Variants in DIPK1C observed in about 807,000 individuals in gnomAD.
DIPK1C encodes the protein familial non-conventional Alzheimer's dementia.
A neutral mutation model predicts 28.0 loss-of-function variants in DIPK1C; 33 were observed. That is an observed-to-expected ratio of 1.18 (90% CI 0.89 to 1.58). The LOEUF is 1.58. DIPK1C is among the 40% of genes most tolerant of loss of function. The probability of loss-of-function intolerance (pLI) is 0.00; values close to 1 mark genes in which losing one functional copy is unlikely to be tolerated. For synonymous variants in DIPK1C, 255 were observed against 248.8 expected (o/e 1.02, Z -0.23); for missense variants, 569 against 568.5 (o/e 1.00, Z -0.01).
chr18:74,453,295 G>A (rs1280480341), intron 1 of DIPK1C, among the ~76,000 whole-genome samples: 2 of 152,234 alleles, frequency 1.3e-5, no homozygotes, highest in African/African-American at 2.4e-5. Flanking sequence ...AAGCTCCTAG[G>A]CAGTTAGCAA....
intron 1 of DIPK1C, 118 bp downstream of exon 1, chr18:74,456,944 C>T (rs538408769): frequency 1.8e-6 from 2 of 1,102,488 alleles, no homozygotes; most frequent in Admixed American, 4.4e-5. Flanking sequence ...TGTCGGGAAC[C>T]CATGTCCCCG....
Position 74,446,974 on chromosome 18 carries a change from G to C in DIPK1C, c.508C>G (p.Pro170Ala). The C allele has an allele frequency of 6.6e-7, 1 of 1,516,756 alleles. No individual in the cohort carries two copies. Among genetic ancestry groups the C allele is most frequent in the South Asian group, 1.3e-5 (1 of 79,340 alleles). 94.0% of individuals were successfully genotyped at this position (1,516,756 alleles called of 1,614,324 possible). A position where few individuals can be genotyped will look rare whatever the true frequency, so the allele number is the denominator to read the frequency against. The change falls in exon 2 of 4, where the codon CCG becomes GCG. Residue 170 changes from proline to alanine, a missense_variant. Physicochemically the swap from Pro to Ala is conservative, Grantham distance 27. Coordinates refer to ENST00000343998, the MANE Select transcript of DIPK1C (RefSeq NM_001044369.3). ...GLELSNSSLGPWWPGRRGPRW... is the reference protein window; with the variant it reads ...GLELSNSSLGAWWPGRRGPRW... Reference sequence around the variant, plus strand: ...GGGCCCCGCCTGCCCGGCCACCACGGCCCCAGGCTGCTGTTGGACAACTCC... The same window carrying C: ...GGGCCCCGCCTGCCCGGCCACCACGCCCCCAGGCTGCTGTTGGACAACTCC...
chr18:74,453,335 C>T (rs895450442), intron 1 of DIPK1C, among the ~76,000 whole-genome samples: 6 of 152,204 alleles, frequency 3.9e-5, no homozygotes, highest in South Asian at 4.1e-4. Flanking sequence ...TATTCCTTCC[C>T]GAAGTAGCTA....
In DIPK1C at chr18:74,447,031, C is replaced by T; in HGVS notation, c.451G>A (p.Val151Met). 9 of 1,547,860 alleles carry T rather than the reference C, an allele frequency of 5.8e-6. No individual in the cohort carries two copies. Among genetic ancestry groups the T allele is most frequent in the Non-Finnish European group, 7.9e-6 (9 of 1,145,214 alleles). Residue 151 changes from valine to methionine, a missense_variant, in exon 2 of 4, where the codon GTG (valine) becomes ATG (methionine). By Grantham distance (21) the Val-to-Met change is conservative. Coordinates refer to ENST00000343998, the MANE Select transcript of DIPK1C (RefSeq NM_001044369.3). The surrounding 1 kb of genome is among the most constrained non-coding windows in gnomAD (Gnocchi z 4.1). ...DMPEAELLLM[V>M]AGEVKSALGL... Reference sequence around the variant, plus strand: ...AGAGCGCTCTTGACCTCCCCAGCCACCATCAGGAGGAGTTCGGCCTCGGGC... The same window carrying T: ...AGAGCGCTCTTGACCTCCCCAGCCATCATCAGGAGGAGTTCGGCCTCGGGC...
chr18:74,460,151 T>G (rs1037108294), upstream of DIPK1C, among the ~76,000 whole-genome samples: 11 of 152,132 alleles, frequency 7.2e-5, no homozygotes, highest in Non-Finnish European at 1.5e-4. Context: ...GGGGGAGGAA[T>G]GGAGAGGGAC....
At position 74,442,104 on chromosome 18, in the gene DIPK1C, C is replaced by A. The variant is rs775471534; in HGVS notation, c.889G>T (p.Asp297Tyr). ...IRSDFTVVAI[D>Y]VDMAFFEPKM... is the part of the protein sequence containing the mutation. ...GGTTCAAAAAAGGCCATGTCCACAT[C>A]AATAGCCACCACCTGTAATCAAAAC... The change falls in exon 3 of 4, where the codon GAT becomes TAT. Residue 297 changes from aspartate to tyrosine, a missense_variant. Asp to Tyr is a radical substitution (Grantham distance 160). Coordinates refer to ENST00000343998, the MANE Select transcript of DIPK1C (RefSeq NM_001044369.3). 5.0e-6 allele frequency: 8 copies of A among 1,613,994 alleles called. No homozygotes were observed. In the South Asian group the frequency reaches 8.8e-5, roughly 18 times the overall value.
In DIPK1C at chr18:74,447,770, T is replaced by C. The variant is rs565898938; in HGVS notation, c.199-487A>G. Among the ~76,000 whole-genome samples the C allele has an allele frequency of 1.4e-4, 22 of 152,306 alleles. No individual in the cohort carries two copies. The South Asian group carries it at 4.3e-3, about 30-fold the overall frequency. Reference sequence around the variant, plus strand: ...CCAGGCTTGACCGCAGTAATGACCCTTCCTGCAAGTACATTCCTTGAGCTT... The same window carrying C: ...CCAGGCTTGACCGCAGTAATGACCCCTCCTGCAAGTACATTCCTTGAGCTT... On this transcript the variant is annotated intron_variant, in intron 1 of 3. Transcript: ENST00000343998. The surrounding 1 kb of genome is among the most constrained non-coding windows in gnomAD (Gnocchi z 4.1).
At chr18:74,441,582 G>A (rs1986124850) in intron 3 of DIPK1C, among the ~76,000 whole-genome samples, 1 of 152,168 alleles carries the variant, frequency 6.6e-6, no homozygotes, top group Non-Finnish European at 1.5e-5. Context: ...AGTGTCTCAG[G>A]ACTGCTTTGC....
At chr18:74,442,930 G>A (rs1472497843) in intron 2 of DIPK1C, among the ~76,000 whole-genome samples, 1 of 152,226 alleles carries the variant, frequency 6.6e-6, no homozygotes, top group Non-Finnish European at 1.5e-5. Context: ...ACATTCGAGT[G>A]GCTGGTCTCC....
intron 1 of DIPK1C, among the ~76,000 whole-genome samples, chr18:74,448,813 T>C (rs747731222): frequency 2.9e-4 from 44 of 152,132 alleles, no homozygotes; most frequent in Non-Finnish European, 6.2e-4. Flanking sequence ...GATGTATAAA[T>C]AATTCCAAAA....
intron 1 of DIPK1C, among the ~76,000 whole-genome samples, chr18:74,450,558 G>A (rs1049735161): frequency 6.6e-6 from 1 of 152,206 alleles, no homozygotes; most frequent in Non-Finnish European, 1.5e-5. Flanking sequence ...GTGAAAAGCA[G>A]AGTGAGGAGG....
chr18:74,442,522 G>T (rs1468433468), intron 2 of DIPK1C, among the ~76,000 whole-genome samples: 1 of 152,024 alleles, frequency 6.6e-6, no homozygotes, highest in Non-Finnish European at 1.5e-5. Flanking sequence ...GTAGAGACGG[G>T]GTTTCACCGT....
chr18:74,458,610 G>A (rs1986569244), upstream of DIPK1C, among the ~76,000 whole-genome samples: 1 of 152,074 alleles, frequency 6.6e-6, no homozygotes, highest in South Asian at 2.1e-4. Flanking sequence ...CTTGGGGTTT[G>A]GGTGTCACTC....
Position 74,441,936 on chromosome 18 carries a change from T to C in DIPK1C, c.1041+16A>G. On this transcript the variant is annotated intron_variant, in intron 3 of 3. Coordinates refer to ENST00000343998, the MANE Select transcript of DIPK1C (RefSeq NM_001044369.3). ...AGAGCACCCTCTCCTCCCCCAGCCCTGGCGGACTCTCATACCTGCAGGTTG... is the reference window on the plus strand; with the variant it reads ...AGAGCACCCTCTCCTCCCCCAGCCCCGGCGGACTCTCATACCTGCAGGTTG... 6.2e-7 allele frequency: 1 copy of C among 1,609,636 alleles called. No individual in the cohort carries two copies. Among genetic ancestry groups the C allele is most frequent in the Non-Finnish European group, 8.5e-7 (1 of 1,177,148 alleles).
intron 2 of DIPK1C, among the ~76,000 whole-genome samples, chr18:74,445,301 C>G (rs1986234864): frequency 6.6e-6 from 1 of 152,192 alleles, no homozygotes. Flanking sequence ...TGAGTTCCCC[C>G]AGAGCTGCCA....
Position 74,436,337 on chromosome 18 carries a change from G to T in DIPK1C, c.*164C>A, listed in dbSNP as rs547868806. On this transcript the variant is annotated 3_prime_UTR_variant, in exon 4 of 4. Coordinates refer to ENST00000343998, the MANE Select transcript of DIPK1C (RefSeq NM_001044369.3). ...TCAGAGGCCAGGGTGGGACGAGAGC[G>T]AGGGAGCACTGTCTCTGGCAGCAGC... 6.9e-5 allele frequency: 47 copies of T among 681,516 alleles called. No homozygotes were observed. The highest frequency in any genetic ancestry group is 6.9e-4 in the African/African-American group (38 of 55,136). 42.2% of individuals were successfully genotyped at this position (681,516 alleles called of 1,614,324 possible). A position where few individuals can be genotyped will look rare whatever the true frequency, so the allele number is the denominator to read the frequency against.
At chr18:74,440,022 G>A (rs1475269774) in intron 3 of DIPK1C, among the ~76,000 whole-genome samples, 1 of 148,874 alleles carries the variant, frequency 6.7e-6, no homozygotes, top group African/African-American at 2.5e-5. Context: ...TCGGCTCACT[G>A]CAAGCTCCGC....
At chr18:74,445,904 C>T (rs534775662) in intron 2 of DIPK1C, among the ~76,000 whole-genome samples, 1 of 152,194 alleles carries the variant, frequency 6.6e-6, no homozygotes, top group African/African-American at 2.4e-5. Flanking sequence ...CATCAGTGTT[C>T]GCCTAGCTGG....
rs2278154 is a variant in DIPK1C at position 74,436,547 on chromosome 18, T to C, written c.1214A>G (p.Gln405Arg). 0.37 allele frequency: 593,970 copies of C among 1,602,168 alleles called. 111,653 individuals are homozygous for C. The highest frequency in any genetic ancestry group is 0.4 in the Middle Eastern group (1,819 of 4,510). Residue 405 changes from glutamine (Q) to arginine (R), a missense_variant, in exon 4 of 4, where the codon CAA becomes CGA. By Grantham distance (43) the Gln-to-Arg change is conservative (BLOSUM62 1). Transcript: ENST00000343998. Reference protein sequence around the residue: ...AASSVFWKLRQLLQATLRELQ... With the variant: ...AASSVFWKLRRLLQATLRELQ... Reference sequence around the variant, plus strand: ...CTCCCTCAGTGTGGCTTGGAGGAGTTGGCGAAGCTTCCAGAACACGCTGGA... The same window carrying C: ...CTCCCTCAGTGTGGCTTGGAGGAGTCGGCGAAGCTTCCAGAACACGCTGGA...
Sources: gnomAD v4.1 joint callset for allele counts (sites outside exome capture counted in the v4.1 genomes callset) on GRCh38, gnomAD v4.1.1 for gene constraint, Gnocchi (gnomAD v3.1) non-coding constraint, MANE v1.5 for transcripts, NCBI Gene and HGNC (gene_info 2026-07-23, HGNC 2026-07-21) for gene names.